Variants in MYCBP2 observed in about 807,000 individuals in gnomAD.
MYCBP2 encodes the protein MYC binding protein 2.
In MYCBP2, 120 loss-of-function variants were observed where a neutral mutation model predicts 525.3. The observed-to-expected ratio is 0.23, with a 90% CI of 0.20 to 0.27. The LOEUF (loss-of-function observed/expected upper bound fraction) is 0.27, where lower values mean the gene tolerates loss of function less well. Among genes scored for constraint, MYCBP2 ranks in the 10% least tolerant of loss-of-function variants. The pLI, the probability that MYCBP2 is intolerant of heterozygous loss-of-function variation, is 1.00. For missense variants in MYCBP2, 4,149 were observed against 5,657.1 expected (o/e 0.73, Z 8.55); for synonymous variants, 1,894 against 1,955.8 (o/e 0.97, Z 0.83).
chr13:77,048,728 G>A (rs1002019919), intron 82 of MYCBP2, among the ~76,000 whole-genome samples: 1 of 152,088 alleles, frequency 6.6e-6, no homozygotes, highest in Non-Finnish European at 1.5e-5. Flanking sequence ...GCCCAGGACC[G>A]AGGTCATTCC....
At chr13:77,227,212 A>T (rs990353590) in intron 18 of MYCBP2, among the ~76,000 whole-genome samples, 1 of 152,090 alleles carries the variant, frequency 6.6e-6, no homozygotes, top group East Asian at 1.9e-4. Flanking sequence ...AAAGATCACA[A>T]ATACTGCATC....
At chr13:77,071,572 C>T (rs1222451532) in intron 68 of MYCBP2, among the ~76,000 whole-genome samples, 1 of 151,944 alleles carries the variant, frequency 6.6e-6, no homozygotes, top group African/African-American at 2.4e-5. Context: ...GAATGAATTC[C>T]AAATAAACAA....
rs1195520776 is a variant in MYCBP2, at chr13:77,112,794, CATT to C, written c.8140+8576_8140+8578del. 5.3e-5 allele frequency among the ~76,000 whole-genome samples: 8 copies of C among 152,142 alleles called. 1 individual carries two copies. Among genetic ancestry groups the C allele is most frequent in the African/African-American group, 1.9e-4 (8 of 41,534 alleles). On this transcript the variant is annotated intron_variant, in intron 55 of 82. Coordinates refer to ENST00000544440, the MANE Select transcript of MYCBP2 (RefSeq NM_015057.5). ...GCCAGTAATTCTCCTCACCCTCCTG[CATT>C]ATTAATATTTCTTTCAACTGAATTA...
intron 12 of MYCBP2, 133 bp from the exon 13 acceptor site, chr13:77,260,725 C>G: frequency 1.4e-6 from 1 of 731,920 alleles, no homozygotes; most frequent in East Asian, 3.1e-5. Context: ...TCACAAAGGC[C>G]TGGGCTTCCC....
At chr13:77,245,548 T>C (rs539637135) in intron 15 of MYCBP2, among the ~76,000 whole-genome samples, 5 of 149,770 alleles carry the variant, frequency 3.3e-5, no homozygotes, top group Non-Finnish European at 7.4e-5. Flanking sequence ...TAAGTGGGAG[T>C]TGAACAATGA....
chr13:77,144,691 T>C lies in MYCBP2; in HGVS notation c.7188-131A>G, dbSNP rs986728702. On this transcript the variant is annotated intron_variant, in intron 48 of 82. Coordinates refer to ENST00000544440, the MANE Select transcript of MYCBP2 (RefSeq NM_015057.5). ...ATCCTACCACCCTGCCATAGTACGC[T>C]TGCCTACTCTCCAAAATGCTTGAAT... 5 of 665,974 alleles carry C rather than the reference T, an allele frequency of 7.5e-6. No individual in the cohort carries two copies. The African/African-American group carries it at 9.0e-5, about 12-fold the overall frequency. 41.3% of individuals were successfully genotyped at this position (665,974 alleles called of 1,614,324 possible).
intron 26 of MYCBP2, among the ~76,000 whole-genome samples, chr13:77,200,313 G>T (rs1357271858): frequency 1.3e-5 from 2 of 152,198 alleles, no homozygotes; most frequent in African/African-American, 2.4e-5. Flanking sequence ...TGAAATAAAT[G>T]AAGTGAAGCG....
Position 77,326,401 on chromosome 13 carries a change from G to T in MYCBP2, c.302+73C>A. 1 of 1,407,900 alleles carries T rather than the reference G, an allele frequency of 7.1e-7. No individual in the cohort carries two copies. The highest frequency in any genetic ancestry group is 9.4e-7 in the Non-Finnish European group (1 of 1,060,486). 87.2% of individuals were successfully genotyped at this position (1,407,900 alleles called of 1,614,324 possible). On this transcript the variant is annotated intron_variant, in intron 1 of 82. Coordinates refer to ENST00000544440, the MANE Select transcript of MYCBP2 (RefSeq NM_015057.5). The surrounding 1 kb of genome is among the most constrained non-coding windows in gnomAD (Gnocchi z 4.2). ...TACACACACGCAAGCACACACACACGCGGGTGCACGCGCGGCATGGGGCGC... is the reference window on the plus strand; with the variant it reads ...TACACACACGCAAGCACACACACACTCGGGTGCACGCGCGGCATGGGGCGC...
At chr13:77,205,640 A>T in intron 24 of MYCBP2, 42 bp from the exon 25 acceptor site, 1 of 1,582,322 alleles carries the variant, frequency 6.3e-7, no homozygotes, top group Non-Finnish European at 8.6e-7. Flanking sequence ...TTGAAATTAA[A>T]ATGTCCTATG....
In MYCBP2 at chr13:77,294,131, C is replaced by CATACAT. The variant is rs1555465829; in HGVS notation, c.378+2467_378+2468insATGTAT. Among the ~76,000 whole-genome samples the CATACAT allele has an allele frequency of 2.1e-4, 14 of 65,710 alleles. 1 individual carries two copies. The highest frequency in any genetic ancestry group is 7.7e-4 in the East Asian group (2 of 2,606). The allele number at this position is 65,710 out of a possible 152,430, so 43.1% of individuals were successfully genotyped here. A position where few individuals can be genotyped will look rare whatever the true frequency, so the allele number is the denominator to read the frequency against. The stretch of plus-strand genomic sequence containing the variant: ...ATATATATATATATATATATATATA[C>CATACAT]ATATATATATACATATATATAAAAT... On this transcript the variant is annotated intron_variant, in intron 2 of 82. Coordinates refer to ENST00000544440, the MANE Select transcript of MYCBP2 (RefSeq NM_015057.5).
rs1033476163 is a variant in MYCBP2 at position 77,187,995 on chromosome 13, C to T, written c.4251+956G>A. Among the ~76,000 whole-genome samples the T allele has an allele frequency of 3.4e-5, 5 of 149,122 alleles. No individual in the cohort carries two copies. In the Admixed American group the frequency reaches 3.4e-4, roughly 10 times the overall value. ...CTGAGGCAGGAGAATTGCTTGAACT[C>T]AGGACGCGGAGGTTGCAGTGAGCCA... On this transcript the variant is annotated intron_variant, in intron 30 of 82. Transcript: ENST00000544440.
intron 11 of MYCBP2, among the ~76,000 whole-genome samples, chr13:77,261,646 A>C (rs1447905746): frequency 2.0e-5 from 3 of 152,048 alleles, no homozygotes; most frequent in African/African-American, 4.8e-5. Context: ...TAAAATAATT[A>C]CAATAGTAAC....
chr13:77,081,219 A>T lies in MYCBP2; in HGVS notation c.11418+208T>A, dbSNP rs753227566. The T allele has an allele frequency of 1.3e-5, 7 of 549,678 alleles. No individual in the cohort carries two copies. The highest frequency in any genetic ancestry group is 2.2e-5 in the Non-Finnish European group (7 of 311,676). 34.1% of individuals were successfully genotyped at this position (549,678 alleles called of 1,614,324 possible). A position where few individuals can be genotyped will look rare whatever the true frequency, so the allele number is the denominator to read the frequency against. On this transcript the variant is annotated intron_variant, in intron 65 of 82. Coordinates refer to ENST00000544440, the MANE Select transcript of MYCBP2 (RefSeq NM_015057.5). The surrounding 1 kb of genome is among the most constrained non-coding windows in gnomAD (Gnocchi z 4.6). ...CTGTAGCCATGGTATATTTGTAATC[A>T]GACCTCTTTTCAGAAATGGAATTCC... is the stretch of plus-strand genomic sequence containing the variant.
At chr13:77,047,360 T>G (rs1225404166) in intron 82 of MYCBP2, among the ~76,000 whole-genome samples, 1 of 152,160 alleles carries the variant, frequency 6.6e-6, no homozygotes, top group Non-Finnish European at 1.5e-5. Flanking sequence ...ACCTAACTCA[T>G]GGGGTGCTGT....
At chr13:77,091,211 AATAGACT>A (rs2045360459) in intron 59 of MYCBP2, among the ~76,000 whole-genome samples, 1 of 152,116 alleles carries the variant, frequency 6.6e-6, no homozygotes, top group South Asian at 2.1e-4. Flanking sequence ...TTCTTGTTTG[AATAGACT>A]ATAAATACTG....
At chr13:77,157,517 C>G (rs1157896810) in intron 45 of MYCBP2, among the ~76,000 whole-genome samples, 2 of 152,158 alleles carry the variant, frequency 1.3e-5, no homozygotes, top group Non-Finnish European at 2.9e-5. Flanking sequence ...AGCCATTGCA[C>G]CTGGTCTTAT....
chr13:77,283,787 C>T (rs993056071), intron 3 of MYCBP2, among the ~76,000 whole-genome samples: 3 of 152,142 alleles, frequency 2.0e-5, no homozygotes, highest in African/African-American at 7.2e-5. Flanking sequence ...GTCCCAGCTA[C>T]ATGGGAGGCT....
intron 68 of MYCBP2, among the ~76,000 whole-genome samples, chr13:77,071,841 C>T (rs1347055359): frequency 2.6e-5 from 4 of 152,150 alleles, no homozygotes; most frequent in African/African-American, 9.7e-5. Flanking sequence ...CAAATCTTAA[C>T]AATTTTAAAA....
chr13:77,253,998 A>G (rs1392151704), intron 14 of MYCBP2, among the ~76,000 whole-genome samples: 1 of 151,980 alleles, frequency 6.6e-6, no homozygotes, highest in African/African-American at 2.4e-5. Flanking sequence ...CCATCCATCA[A>G]CAGGAGAATG....
Sources: allele counts gnomAD v4.1 joint callset (sites outside exome capture counted in the v4.1 genomes callset), GRCh38; gene constraint gnomAD v4.1.1; non-coding constraint Gnocchi (gnomAD v3.1); transcripts MANE v1.5; gene names NCBI Gene and HGNC (gene_info 2026-07-23, HGNC 2026-07-21).